The following CSMD1 variants were observed in gnomAD, a reference collection of about 807,000 sequenced individuals.
CSMD1 encodes the protein CUB and sushi domain-containing protein 1.
Under a neutral mutation model 417.5 loss-of-function variants are expected in CSMD1, and 213 were observed. That is an observed-to-expected ratio of 0.51 (90% CI 0.46 to 0.57). The LOEUF (loss-of-function observed/expected upper bound fraction) is 0.57. Among genes scored for constraint, CSMD1 ranks in the 20% least tolerant of loss-of-function variants. The pLI, the probability that CSMD1 is intolerant of heterozygous loss-of-function variation, is 0.00. For missense variants in CSMD1, 6,923 were observed against 4,529.7 expected (o/e 1.53, Z -15.17); for synonymous variants, 2,862 against 1,736.8 (o/e 1.65, Z -16.11).
At chr8:3,999,206 T>C (rs547308581) in intron 4 of CSMD1, among the ~76,000 whole-genome samples, 101 of 152,148 alleles carry the variant, frequency 6.6e-4, no homozygotes, top group African/African-American at 2.4e-3. Flanking sequence ...ATAATATATA[T>C]TTAACAGTCA....
At chr8:4,291,339 A>T (rs949046424) in intron 3 of CSMD1, among the ~76,000 whole-genome samples, 6 of 152,154 alleles carry the variant, frequency 3.9e-5, no homozygotes, top group Admixed American at 3.3e-4. Context: ...CTTTCCTTTA[A>T]ATTGATAAAT....
chr8:3,550,467 G>A (rs1232362455), intron 10 of CSMD1, among the ~76,000 whole-genome samples: 1 of 152,158 alleles, frequency 6.6e-6, no homozygotes, highest in Non-Finnish European at 1.5e-5. Context: ...TTGACACATG[G>A]CGGCTGTGCA....
chr8:4,728,199 T>TTA lies in CSMD1; in HGVS notation c.86-90643_86-90642dup, dbSNP rs1294901274. Among the ~76,000 whole-genome samples, 3 of 148,064 alleles carry TTA rather than the reference T, an allele frequency of 2.0e-5. 1 individual carries two copies. The highest frequency in any genetic ancestry group is 4.2e-4 in the South Asian group (2 of 4,786). On this transcript the variant is annotated intron_variant, in intron 1 of 69. Transcript: ENST00000635120. ...ATTTGGCATTTATATATTCGTATAT[T>TTA]TATATATATATTTGGTATATATAAG...
intron 1 of CSMD1, among the ~76,000 whole-genome samples, chr8:4,753,770 C>G (rs1401024813): frequency 6.6e-6 from 1 of 152,198 alleles, no homozygotes; most frequent in Non-Finnish European, 1.5e-5. Flanking sequence ...TGGGAACATT[C>G]CCTTTCCTCC....
intron 1 of CSMD1, among the ~76,000 whole-genome samples, chr8:4,960,847 G>A (rs1024184168): frequency 6.6e-6 from 1 of 152,042 alleles, no homozygotes; most frequent in Non-Finnish European, 1.5e-5. Flanking sequence ...TACATCATAA[G>A]TTATATAATA....
At chr8:4,274,628 G>T (rs1180674267) in intron 3 of CSMD1, among the ~76,000 whole-genome samples, 1 of 151,666 alleles carries the variant, frequency 6.6e-6, no homozygotes, top group Non-Finnish European at 1.5e-5. Flanking sequence ...ATTAAATATC[G>T]AACAAAAATC....
intron 5 of CSMD1, among the ~76,000 whole-genome samples, chr8:3,954,203 G>C (rs1563249299): frequency 6.6e-6 from 1 of 152,178 alleles, no homozygotes; most frequent in Non-Finnish European, 1.5e-5. Context: ...TGACTGAGGG[G>C]CATAAAGGAG....
intron 3 of CSMD1, among the ~76,000 whole-genome samples, chr8:4,310,971 G>A (rs561749566): frequency 7.9e-5 from 12 of 152,136 alleles, no homozygotes; most frequent in East Asian, 1.9e-4. Flanking sequence ...CCTACCAGTC[G>A]GAATGGCTAC....
At chr8:3,818,705 G>C (rs1478388067) in intron 5 of CSMD1, among the ~76,000 whole-genome samples, 1 of 152,194 alleles carries the variant, frequency 6.6e-6, no homozygotes, top group Admixed American at 6.5e-5. Context: ...AACAAAGGAA[G>C]GGAGATGGAA....
intron 1 of CSMD1, among the ~76,000 whole-genome samples, chr8:4,816,840 T>C (rs1799235337): frequency 1.3e-5 from 2 of 152,078 alleles, no homozygotes; most frequent in Admixed American, 1.3e-4. Flanking sequence ...TGGCAATTAA[T>C]GGTATACAGG....
intron 4 of CSMD1, among the ~76,000 whole-genome samples, chr8:4,031,258 T>G (rs952126797): frequency 6.6e-6 from 1 of 152,192 alleles, no homozygotes; most frequent in African/African-American, 2.4e-5. Context: ...AAGACATACC[T>G]GAGCCTGGGC....
intron 2 of CSMD1, among the ~76,000 whole-genome samples, chr8:4,597,546 T>G (rs377656707): frequency 4.6e-5 from 7 of 152,024 alleles, no homozygotes; most frequent in South Asian, 2.1e-4. Flanking sequence ...CCATTTGAAA[T>G]AAAACTTATT....
chr8:3,985,122 T>C (rs796622308), intron 5 of CSMD1, among the ~76,000 whole-genome samples: 2 of 152,086 alleles, frequency 1.3e-5, no homozygotes, highest in African/African-American at 4.8e-5. Context: ...AATTACACCA[T>C]AGATCATGTA....
chr8:4,780,992 G>A (rs560047761), intron 1 of CSMD1, among the ~76,000 whole-genome samples: 1 of 152,172 alleles, frequency 6.6e-6, no homozygotes, highest in Non-Finnish European at 1.5e-5. Context: ...TCAAAGGTCA[G>A]TGTCTTACCT....
At chr8:2,948,711 C>T (rs1400612554) in intron 68 of CSMD1, among the ~76,000 whole-genome samples, 1 of 152,038 alleles carries the variant, frequency 6.6e-6, no homozygotes, top group Admixed American at 6.6e-5. Flanking sequence ...ATGCAGAAAA[C>T]AATTTACACA....
chr8:3,759,440 G>C (rs530126290), intron 5 of CSMD1, among the ~76,000 whole-genome samples: 3 of 152,210 alleles, frequency 2.0e-5, no homozygotes, highest in East Asian at 1.9e-4. Context: ...GTTGGAGTGA[G>C]GTTTCCTGGA....
At chr8:3,898,313 A>C (rs1474159787) in intron 5 of CSMD1, among the ~76,000 whole-genome samples, 1 of 152,222 alleles carries the variant, frequency 6.6e-6, no homozygotes, top group East Asian at 1.9e-4. Flanking sequence ...TTCAAGGACA[A>C]CTACTCTGAT....
At position 3,308,432 on chromosome 8, in the gene CSMD1, A is replaced by G; in HGVS notation, c.3703T>C (p.Phe1235Leu). ...CTGTACAGAACTACAGTGTCGGTAA[A>G]GTGGCCTTCATCACGGATCCTATAG... Reference protein sequence around the residue: ...YGYRIRDEGHFTDTVVLYSCN... With the variant: ...YGYRIRDEGHLTDTVVLYSCN... Residue 1235 changes from phenylalanine (F) to leucine (L), a missense_variant, in exon 24 of 70, where the codon TTT becomes CTT. Transcript: ENST00000635120. 2 of 1,613,864 alleles carry G rather than the reference A, an allele frequency of 1.2e-6. No individual in the cohort carries two copies. The highest frequency in any genetic ancestry group is 2.2e-5 in the South Asian group (2 of 91,052).
intron 3 of CSMD1, among the ~76,000 whole-genome samples, chr8:4,078,318 T>G (rs1799940007): frequency 6.7e-6 from 1 of 150,326 alleles, no homozygotes; most frequent in African/African-American, 2.5e-5. Context: ...TCCAACTTTT[T>G]TTTTTTTTTT....
Sources: allele counts gnomAD v4.1 joint callset (sites outside exome capture counted in the v4.1 genomes callset), GRCh38; gene constraint gnomAD v4.1.1; transcripts MANE v1.5; gene names NCBI Gene and HGNC (gene_info 2026-07-23, HGNC 2026-07-21).